CSMD1: variants seen among roughly 807,000 people sequenced by gnomAD.
CSMD1 encodes the protein CUB and Sushi multiple domains 1.
Under a neutral mutation model 417.5 loss-of-function variants are expected in CSMD1, and 213 were observed. That is an observed-to-expected ratio of 0.51 (90% confidence interval 0.46 to 0.57). The LOEUF (loss-of-function observed/expected upper bound fraction) is 0.57, where lower values mean the gene tolerates loss of function less well. Among genes scored for constraint, CSMD1 ranks in the 20% least tolerant of loss-of-function variants. CSMD1 has a pLI of 0.00. For synonymous variants in CSMD1, 2,862 were observed against 1,736.8 expected (o/e 1.65, Z -16.11); for missense variants, 6,923 against 4,529.7 (o/e 1.53, Z -15.17).
chr8:3,543,502 CTG>C (rs1798530349), intron 10 of CSMD1, among the ~76,000 whole-genome samples: 1 of 151,984 alleles, frequency 6.6e-6, no homozygotes, highest in African/African-American at 2.4e-5. Context: ...TGGCAATTAA[CTG>C]TGGAAATGGG....
chr8:4,882,811 A>G (rs1803496029), intron 1 of CSMD1, among the ~76,000 whole-genome samples: 1 of 152,036 alleles, frequency 6.6e-6, no homozygotes, highest in Non-Finnish European at 1.5e-5. Flanking sequence ...TCAGTAACAA[A>G]CTGAGGAAAA....
At chr8:4,374,973 GCGATA>G (rs1802637543) in intron 3 of CSMD1, among the ~76,000 whole-genome samples, 3 of 124,198 alleles carry the variant, frequency 2.4e-5, no homozygotes, top group Admixed American at 8.4e-5. Context: ...GGGGGGGGGG[GCGATA>G]GTGGGGGTAC....
At chr8:4,096,699 A>G (rs1457991770) in intron 3 of CSMD1, among the ~76,000 whole-genome samples, 1 of 152,234 alleles carries the variant, frequency 6.6e-6, no homozygotes, top group Non-Finnish European at 1.5e-5. Context: ...CAAAAGCGTC[A>G]CTCACTAATC....
At chr8:4,530,484 T>C (rs1383867007) in intron 2 of CSMD1, among the ~76,000 whole-genome samples, 1 of 151,614 alleles carries the variant, frequency 6.6e-6, no homozygotes, top group Admixed American at 6.6e-5. Flanking sequence ...CCTAACACTA[T>C]CCCTCCCCTT....
chr8:3,188,990 G>A lies in CSMD1; in HGVS notation c.5420C>T (p.Thr1807Ile). Residue 1807 changes from threonine to isoleucine, a missense_variant, in exon 35 of 70, where the codon ACT becomes ATT. Thr to Ile is a moderately conservative substitution (Grantham distance 89). Coordinates refer to ENST00000635120, the MANE Select transcript of CSMD1 (RefSeq NM_033225.6). ...GGACAGGATTGTACCTCTTCGTTGA[G>A]TGAAATTGCCACTGCAGGGTACTAA... is the stretch of plus-strand genomic sequence containing the variant. ...SCVVPCSGNF[T>I]QRRGTILSPG... 6.2e-7 allele frequency: 1 copy of A among 1,613,320 alleles called. No individual in the cohort carries two copies. Among genetic ancestry groups the A allele is most frequent in the Non-Finnish European group, 8.5e-7 (1 of 1,179,560 alleles).
chr8:4,717,242 G>A (rs774814361), intron 1 of CSMD1, among the ~76,000 whole-genome samples: 1 of 150,370 alleles, frequency 6.7e-6, no homozygotes, highest in African/African-American at 2.5e-5. Context: ...AGCTACCTTG[G>A]TAATGGCAGG....
intron 5 of CSMD1, among the ~76,000 whole-genome samples, chr8:3,811,992 A>C (rs1368204269): frequency 6.6e-6 from 1 of 152,094 alleles, no homozygotes; most frequent in East Asian, 1.9e-4. Flanking sequence ...GATGCTTACA[A>C]CCTAATTCAA....
intron 2 of CSMD1, among the ~76,000 whole-genome samples, chr8:4,440,111 C>G (rs1357827111): frequency 6.6e-6 from 1 of 152,140 alleles, no homozygotes; most frequent in Non-Finnish European, 1.5e-5. Flanking sequence ...AAGAGGAACT[C>G]ATTCTCTTTA....
intron 3 of CSMD1, among the ~76,000 whole-genome samples, chr8:4,062,984 G>C (rs752793500): frequency 1.3e-5 from 2 of 151,976 alleles, no homozygotes; most frequent in Non-Finnish European, 2.9e-5. Context: ...TAAGGAAATA[G>C]GTAATCCAGA....
At chr8:3,060,151 C>CTTT (rs34354746) in intron 49 of CSMD1, among the ~76,000 whole-genome samples, 8,575 of 140,022 alleles carry the variant, frequency 0.061, 304 homozygotes, top group Middle Eastern at 0.098. Flanking sequence ...TTACTAACAA[C>CTTT]TTTTTTTTTT....
chr8:4,391,806 T>A (rs984589954), intron 3 of CSMD1, among the ~76,000 whole-genome samples: 7 of 152,140 alleles, frequency 4.6e-5, no homozygotes, highest in African/African-American at 1.7e-4. Flanking sequence ...TAAGCTCAAA[T>A]CATGGCAGCT....
At chr8:3,233,884 C>G (rs1423890298) in intron 26 of CSMD1, among the ~76,000 whole-genome samples, 1 of 152,082 alleles carries the variant, frequency 6.6e-6, no homozygotes, top group Non-Finnish European at 1.5e-5. Flanking sequence ...AAATTAACAG[C>G]TTGAGGCATT....
intron 3 of CSMD1, among the ~76,000 whole-genome samples, chr8:4,328,290 G>T: frequency 7.6e-6 from 1 of 131,620 alleles, no homozygotes. Flanking sequence ...TCTTAACTGT[G>T]AATTACCACT....
chr8:4,708,166 G>A (rs1303361180), intron 1 of CSMD1, among the ~76,000 whole-genome samples: 1 of 151,982 alleles, frequency 6.6e-6, no homozygotes, highest in African/African-American at 2.4e-5. Context: ...TGTCGACCAG[G>A]CTGGTCTGAA....
intron 3 of CSMD1, among the ~76,000 whole-genome samples, chr8:4,244,089 C>T (rs977424805): frequency 2.0e-5 from 3 of 152,174 alleles, no homozygotes; most frequent in Non-Finnish European, 4.4e-5. Flanking sequence ...CAGCTCTGTG[C>T]ATCTGAAGAT....
chr8:3,448,361 A>G (rs1255834545), intron 12 of CSMD1, among the ~76,000 whole-genome samples: 1 of 103,862 alleles, frequency 9.6e-6, no homozygotes. Context: ...GGAAGAAGGA[A>G]GAAGGGAGGA....
intron 2 of CSMD1, among the ~76,000 whole-genome samples, chr8:4,636,979 T>C (rs903504952): frequency 2.6e-5 from 4 of 152,116 alleles, no homozygotes; most frequent in Non-Finnish European, 4.4e-5. Flanking sequence ...ATCGTAAAAG[T>C]AGCCAATCAC....
At chr8:4,721,687 C>T (rs1307804584) in intron 1 of CSMD1, among the ~76,000 whole-genome samples, 1 of 152,054 alleles carries the variant, frequency 6.6e-6, no homozygotes, top group Non-Finnish European at 1.5e-5. Flanking sequence ...TCATATAACC[C>T]AGCAATCCCC....
rs568351226 is a variant in CSMD1, at chr8:4,176,201, T to C, written c.416-144102A>G. On this transcript the variant is annotated intron_variant, in intron 3 of 69. Transcript: ENST00000635120. The stretch of plus-strand genomic sequence containing the variant: ...GCCCTGCAGAACCACATCCACCCTG[T>C]TGGATGTGGCTCTGTAGGCTATATA... Among the ~76,000 whole-genome samples the C allele has an allele frequency of 2.7e-4, 41 of 152,190 alleles. No homozygotes were observed. In the East Asian group the frequency reaches 7.0e-3, roughly 26 times the overall value.
Sources: gnomAD v4.1 joint callset for allele counts (sites outside exome capture counted in the v4.1 genomes callset) on GRCh38, gnomAD v4.1.1 for gene constraint, MANE v1.5 for transcripts, NCBI Gene and HGNC (gene_info 2026-07-23, HGNC 2026-07-21) for gene names.